Variants in ASPRV1 observed in about 807,000 individuals in gnomAD.
The protein encoded by ASPRV1 is retroviral-like aspartic protease 1.
Under a neutral mutation model 11.0 loss-of-function variants are expected in ASPRV1, and 7 were observed. The observed-to-expected ratio is 0.64, with a 90% CI of 0.36 to 1.20. The LOEUF is 1.20. Among genes scored for constraint, ASPRV1 ranks in the 50% most tolerant of loss-of-function variants. The probability of loss-of-function intolerance (pLI) is 0.02; values close to 1 mark genes in which losing one functional copy is unlikely to be tolerated. For synonymous variants in ASPRV1, 136 were observed against 138.4 expected, an observed-to-expected ratio of 0.98 and a Z score of 0.12; for missense variants, 299 against 320.0, an observed-to-expected ratio of 0.93 and a Z score of 0.50.
chr2:69,952,761 A>T, the ASPRV1 span, among the ~76,000 whole-genome samples: 1 of 151,122 alleles, frequency 6.6e-6, no homozygotes, highest in Non-Finnish European at 1.5e-5. Context: ...AGATGCCAAT[A>T]GTCCCCCCCA....
downstream of ASPRV1, among the ~76,000 whole-genome samples, chr2:69,956,538 G>C (rs1375876086): frequency 6.6e-6 from 1 of 150,762 alleles, no homozygotes; most frequent in East Asian, 1.9e-4. Context: ...GAAGGAGGAG[G>C]AGGAGAAGAA....
chr2:70,076,526 G>T, the ASPRV1 span, among the ~76,000 whole-genome samples: 6 of 152,268 alleles, frequency 3.9e-5, no homozygotes, highest in South Asian at 2.1e-4. Flanking sequence ...TAGGAGGCAG[G>T]TATTATCATT....
At chr2:70,029,804 C>T in the ASPRV1 span, among the ~76,000 whole-genome samples, 13 of 152,084 alleles carry the variant, frequency 8.5e-5, no homozygotes, top group South Asian at 2.1e-4. Context: ...TCATCAAGGA[C>T]CCCTCCCTAG....
At chr2:69,964,703 C>T (rs1041886783), upstream of ASPRV1, 8 of 173,060 alleles carry the variant, frequency 4.6e-5, no homozygotes, top group African/African-American at 1.4e-4. Context: ...GCAAGCACAC[C>T]GCACTGAACC....
chr2:69,940,983 T>C, the ASPRV1 span: 1 of 152,646 alleles, frequency 6.6e-6, no homozygotes, highest in Non-Finnish European at 1.5e-5. Flanking sequence ...TTAGTTGTTT[T>C]GTCTTTTTAA....
At chr2:69,996,770 C>A in the ASPRV1 span, 1 of 456,326 alleles carries the variant, frequency 2.2e-6, no homozygotes, top group Non-Finnish European at 4.4e-6. Flanking sequence ...CTGTGTGACA[C>A]ATGGGGGCTG....
chr2:70,034,735 G>A, the ASPRV1 span, among the ~76,000 whole-genome samples: 3 of 152,186 alleles, frequency 2.0e-5, no homozygotes, highest in African/African-American at 4.8e-5. Flanking sequence ...TCCCAAGGCA[G>A]GATGTGGCGG....
At chr2:69,940,048 A>G in the ASPRV1 span, 1 of 136,704 alleles carries the variant, frequency 7.3e-6, no homozygotes, top group Non-Finnish European at 1.5e-5. Flanking sequence ...GTGGATTCCT[A>G]AATGATTCCA....
At chr2:70,057,106 T>G in the ASPRV1 span, among the ~76,000 whole-genome samples, 1 of 151,558 alleles carries the variant, frequency 6.6e-6, no homozygotes, top group African/African-American at 2.4e-5. Context: ...GAGAAGGATA[T>G]TAAAAAACAA....
chr2:70,028,803 G>C, the ASPRV1 span, among the ~76,000 whole-genome samples: 1 of 152,070 alleles, frequency 6.6e-6, no homozygotes, highest in Non-Finnish European at 1.5e-5. Flanking sequence ...ATAGCCAGGC[G>C]TGGTGGCACG....
chr2:69,996,365 G>A, the ASPRV1 span, among the ~76,000 whole-genome samples: 8 of 151,900 alleles, frequency 5.3e-5, no homozygotes, highest in South Asian at 2.1e-4. Context: ...GCACTCCAGC[G>A]TGGGTGACAG....
the ASPRV1 span, chr2:70,087,111 T>C: frequency 2.0e-5 from 3 of 151,720 alleles, no homozygotes; most frequent in Non-Finnish European, 4.4e-5. Context: ...TCCCGGCTTG[T>C]GCCTGCAGTT....
chr2:70,079,545 G>A, the ASPRV1 span, among the ~76,000 whole-genome samples: 1 of 152,124 alleles, frequency 6.6e-6, no homozygotes, highest in African/African-American at 2.4e-5. Context: ...GGACTGCTCT[G>A]AGTACTCCAC....
chr2:70,007,853 C>T, the ASPRV1 span, among the ~76,000 whole-genome samples: 1 of 151,906 alleles, frequency 6.6e-6, no homozygotes, highest in Non-Finnish European at 1.5e-5. Flanking sequence ...ATTTATTTAG[C>T]GACAAAGAGT....
the ASPRV1 span, chr2:69,938,216 G>A: frequency 6.2e-7 from 1 of 1,614,204 alleles, no homozygotes; most frequent in Non-Finnish European, 8.5e-7. Context: ...CAGTGATGAG[G>A]GCTATTCCAG....
chr2:69,961,797 A>C (rs1572876432), upstream of ASPRV1: 10 of 1,231,614 alleles, frequency 8.1e-6, no homozygotes, highest in Admixed American at 4.6e-5. Flanking sequence ...TTGGACCAAC[A>C]CCAGCCAGCC....
At chr2:69,978,891 T>A in the ASPRV1 span, among the ~76,000 whole-genome samples, 10 of 152,178 alleles carry the variant, frequency 6.6e-5, no homozygotes, top group Non-Finnish European at 1.5e-5. Context: ...GGCCATATCT[T>A]CATATTTCTT....
the ASPRV1 span, among the ~76,000 whole-genome samples, chr2:69,973,509 A>G: frequency 6.6e-6 from 1 of 152,124 alleles, no homozygotes; most frequent in Non-Finnish European, 1.5e-5. Flanking sequence ...CACCACGCCC[A>G]GCTAACTTTT....
the ASPRV1 span, among the ~76,000 whole-genome samples, chr2:70,062,323 T>C: frequency 2.0e-5 from 3 of 151,968 alleles, no homozygotes; most frequent in East Asian, 1.9e-4. Flanking sequence ...TACATATATA[T>C]ATGATCTGGA....
Sources: allele counts gnomAD v4.1 joint callset (sites outside exome capture counted in the v4.1 genomes callset), GRCh38; gene constraint gnomAD v4.1.1; transcripts MANE v1.5; gene names NCBI Gene and HGNC (gene_info 2026-07-23, HGNC 2026-07-21).